The following COL4A4 variants were observed in gnomAD, a reference collection of about 807,000 sequenced individuals.
COL4A4 encodes collagen alpha-4(IV) chain.
COL4A4 carries 105 observed loss-of-function variants against 192.9 expected under a neutral mutation model. The ratio of observed to expected loss-of-function variants is 0.54; its 90% CI spans 0.46 to 0.64. The LOEUF is 0.64. Ranked by LOEUF, COL4A4 falls within the 30% of genes least tolerant of loss-of-function variation. The probability of loss-of-function intolerance (pLI) is 0.00; values close to 1 mark genes in which losing one functional copy is unlikely to be tolerated. For synonymous variants in COL4A4, 762 were observed against 769.9 expected (o/e 0.99, Z 0.17); for missense variants, 1,967 against 2,169.3 (o/e 0.91, Z 1.85).
chr2:227,162,396 T>TG (rs2064908106), intron 1 of COL4A4, among the ~76,000 whole-genome samples: 1 of 152,230 alleles, frequency 6.6e-6, no homozygotes, highest in Admixed American at 6.5e-5. Context: ...TTGTTTGTAC[T>TG]TTTTAAAATT....
chr2:227,102,669 T>G (rs1360924517), intron 15 of COL4A4, 120 bp downstream of exon 15: 1 of 843,652 alleles, frequency 1.2e-6, no homozygotes, highest in African/African-American at 1.7e-5. Context: ...TCCAAAATGT[T>G]TTGTTCTTAC....
intron 44 of COL4A4, among the ~76,000 whole-genome samples, chr2:227,021,355 G>A (rs1965974969): frequency 6.6e-6 from 1 of 151,888 alleles, no homozygotes; most frequent in African/African-American, 2.4e-5. Flanking sequence ...CTTCCTTCTT[G>A]CAGGCTCTGT....
chr2:227,046,797 C>G (rs1972972137), intron 35 of COL4A4, among the ~76,000 whole-genome samples: 1 of 152,012 alleles, frequency 6.6e-6, no homozygotes, highest in African/African-American at 2.4e-5. Flanking sequence ...TGGCACCCCC[C>G]TTCTGCTGTG....
intron 31 of COL4A4, 146 bp downstream of exon 31, chr2:227,054,448 A>T: frequency 1.1e-6 from 1 of 872,220 alleles, no homozygotes; most frequent in Non-Finnish European, 1.8e-6. Context: ...AATTTTGTTT[A>T]AAATTCTAAA....
At chr2:227,134,502 T>C (rs561853743) in intron 4 of COL4A4, among the ~76,000 whole-genome samples, 3 of 152,222 alleles carry the variant, frequency 2.0e-5, no homozygotes, top group Non-Finnish European at 4.4e-5. Context: ...TTCTGAACCA[T>C]GTATCAGGCT....
chr2:226,993,309 CAG>C, the COL4A4 span, among the ~76,000 whole-genome samples: 1 of 152,220 alleles, frequency 6.6e-6, no homozygotes, highest in African/African-American at 2.4e-5. Context: ...GGCCTGGAGT[CAG>C]GGTGCCACGT....
In COL4A4 at chr2:227,102,885, ACAATATTTCAGCAATAGGGAAAG is replaced by A. The variant is rs11274738; in HGVS notation, c.871-60_871-38del. On this transcript the variant is annotated intron_variant, in intron 14 of 47. Transcript: ENST00000396625. ...GACAACATTTAGAGGGGTTCAAGCA[ACAATATTTCAGCAATAGGGAAAG>A]CAATATTTCAGCAATAGGGAAAAAA... is the stretch of plus-strand genomic sequence containing the variant. 847,946 of 1,374,582 alleles carry A rather than the reference ACAATATTTCAGCAATAGGGAAAG, an allele frequency of 0.62. 269,545 individuals carry two copies. Among genetic ancestry groups the A allele is most frequent in the East Asian group, 0.64 (27,993 of 43,542 alleles). The allele number at this position is 1,374,582 out of a possible 1,614,324, so 85.1% of individuals were successfully genotyped here.
intron 47 of COL4A4, 45 bp from the exon 48 acceptor site, chr2:227,007,633 C>T: frequency 6.2e-7 from 1 of 1,611,516 alleles, no homozygotes; most frequent in South Asian, 1.1e-5. Context: ...CACACACAGA[C>T]AACCCCAGAC....
At chr2:226,985,767 AG>A in the COL4A4 span, among the ~76,000 whole-genome samples, 179 of 152,336 alleles carry the variant, frequency 1.2e-3, no homozygotes, top group African/African-American at 4.2e-3. Flanking sequence ...ACCTGGAATG[AG>A]GGGTGCAGAA....
intron 33 of COL4A4, 36 bp downstream of exon 33, chr2:227,050,941 T>C (rs1973966140): frequency 1.2e-6 from 2 of 1,613,332 alleles, no homozygotes; most frequent in African/African-American, 1.3e-5. Context: ...AGAAAGGTTT[T>C]ATTGTCTCTT....
chr2:227,045,811 TATATAC>T (rs1280017231), intron 35 of COL4A4, among the ~76,000 whole-genome samples: 793 of 38,114 alleles, frequency 0.021, 90 homozygotes, highest in African/African-American at 0.081. Flanking sequence ...CATATATATA[TATATAC>T]ACATATATAT....
intron 4 of COL4A4, among the ~76,000 whole-genome samples, chr2:227,139,436 GGCT>G (rs2063045977): frequency 6.6e-6 from 1 of 152,140 alleles, no homozygotes; most frequent in Admixed American, 6.5e-5. Context: ...TGAATTAGTG[GGCT>G]GCTGTCAGAA....
At chr2:227,082,730 C>T (rs780797251) in intron 22 of COL4A4, among the ~76,000 whole-genome samples, 3 of 152,146 alleles carry the variant, frequency 2.0e-5, no homozygotes, top group South Asian at 2.1e-4. Context: ...ATGGAAGTGA[C>T]GTCCTGCTAA....
Position 227,008,251 on chromosome 2 carries a change from T to G in COL4A4, c.4576A>C (p.Asn1526His). ...GCATAGTGGCACACCTGGTGGATGT[T>G]GCAGTAGGCAAAGGGCAGCGTGCTA... is the stretch of plus-strand genomic sequence containing the variant. ...VFSTLPFAYC[N>H]IHQVCHYAQR... is the part of the protein sequence containing the mutation. The change falls in exon 47 of 48, where the codon AAC (asparagine) becomes CAC (histidine). Residue 1526 changes from asparagine (N) to histidine (H), a missense_variant. Coordinates refer to ENST00000396625, the MANE Select transcript of COL4A4 (RefSeq NM_000092.5). 6.2e-7 allele frequency: 1 copy of G among 1,614,218 alleles called. No individual in the cohort carries two copies. Among genetic ancestry groups the G allele is most frequent in the Non-Finnish European group, 8.5e-7 (1 of 1,180,026 alleles).
chr2:227,128,569 T>C (rs946549614), intron 4 of COL4A4, among the ~76,000 whole-genome samples: 31 of 152,120 alleles, frequency 2.0e-4, no homozygotes, highest in African/African-American at 6.5e-4. Flanking sequence ...AGTAACTCTG[T>C]TCCTGGCATC....
intron 44 of COL4A4, among the ~76,000 whole-genome samples, chr2:227,015,394 C>T (rs948197735): frequency 1.4e-4 from 21 of 152,248 alleles, no homozygotes; most frequent in Non-Finnish European, 1.3e-4. Context: ...ACTCTCAGAG[C>T]CCTCTCCTTA....
At chr2:226,994,397 G>A in the COL4A4 span, among the ~76,000 whole-genome samples, 1 of 152,200 alleles carries the variant, frequency 6.6e-6, no homozygotes, top group Non-Finnish European at 1.5e-5. Context: ...ACAAACGGAA[G>A]GTGCCGAAAG....
At chr2:227,056,889 G>A (rs1975495931) in intron 29 of COL4A4, among the ~76,000 whole-genome samples, 1 of 152,192 alleles carries the variant, frequency 6.6e-6, no homozygotes, top group Admixed American at 6.5e-5. Flanking sequence ...GGACTTCCCA[G>A]CCTCCTGAGC....
intron 12 of COL4A4, among the ~76,000 whole-genome samples, chr2:227,107,904 C>T (rs539940917): frequency 3.0e-4 from 45 of 151,934 alleles, no homozygotes; most frequent in African/African-American, 8.4e-4. Flanking sequence ...ACTACAGGCA[C>T]GCACCACCAC....
Sources: gnomAD v4.1 joint callset for allele counts (sites outside exome capture counted in the v4.1 genomes callset) on GRCh38, gnomAD v4.1.1 for gene constraint, MANE v1.5 for transcripts, NCBI Gene and HGNC (gene_info 2026-07-23, HGNC 2026-07-21) for gene names.